MCMDC2: variants seen among roughly 807,000 people sequenced by gnomAD.
The protein encoded by MCMDC2 is minichromosome maintenance domain-containing protein 2.
A neutral mutation model predicts 75.8 loss-of-function variants in MCMDC2; 54 were observed. The observed-to-expected ratio is 0.71, with a 90% CI of 0.57 to 0.89. MCMDC2 has a LOEUF of 0.89. MCMDC2 is among the 40% of genes least tolerant of loss of function. The pLI is 0.00. For synonymous variants in MCMDC2, 249 were observed against 274.6 expected (o/e 0.91, Z 0.92); for missense variants, 656 against 780.4 (o/e 0.84, Z 1.90).
rs1261280316 is a variant in MCMDC2 at position 66,921,751 on chromosome 8, C to G, written c.*2582C>G. ...AGTTTTAAGATTCAACCACCTGGTA[C>G]AACAGCAGGCTCTGAAGGGGAAGCC... On this transcript the variant is annotated 3_prime_UTR_variant, in exon 15 of 15. Transcript: ENST00000422365. 6.6e-6 allele frequency: 1 copy of G among 152,168 alleles called. No homozygotes were observed. Among genetic ancestry groups the G allele is most frequent in the Non-Finnish European group, 1.5e-5 (1 of 68,032 alleles). 9.4% of individuals were successfully genotyped at this position (152,168 alleles called of 1,614,324 possible). A position where few individuals can be genotyped will look rare whatever the true frequency, so the allele number is the denominator to read the frequency against.
In MCMDC2 at chr8:66,919,316, C is replaced by A; in HGVS notation, c.*147C>A. The A allele has an allele frequency of 1.8e-6, 1 of 561,284 alleles. No homozygotes were observed. The highest frequency in any genetic ancestry group is 4.1e-5 in the South Asian group (1 of 24,652). 34.8% of individuals were successfully genotyped at this position (561,284 alleles called of 1,614,324 possible). A position where few individuals can be genotyped will look rare whatever the true frequency, so the allele number is the denominator to read the frequency against. On this transcript the variant is annotated 3_prime_UTR_variant, in exon 15 of 15. Coordinates refer to ENST00000422365, the MANE Select transcript of MCMDC2 (RefSeq NM_173518.5). ...TTTTTAAAAATATAAAATATAGTCC[C>A]CTCAAAACTAATTGCTAATGGGATA... is the stretch of plus-strand genomic sequence containing the variant.
intron 14 of MCMDC2, among the ~76,000 whole-genome samples, chr8:66,913,535 CT>C (rs1336661847): frequency 6.6e-6 from 1 of 152,146 alleles, no homozygotes; most frequent in Non-Finnish European, 1.5e-5. Flanking sequence ...TATTCGTGAT[CT>C]TTTTTCCAAT....
intron 9 of MCMDC2, among the ~76,000 whole-genome samples, chr8:66,887,484 G>A (rs1029997367): frequency 7.9e-5 from 12 of 152,012 alleles, no homozygotes; most frequent in African/African-American, 1.9e-4. Context: ...CCTGGGAGGC[G>A]GAGGTTGCAG....
In MCMDC2 at chr8:66,909,129, G is replaced by A. The variant is rs925926254; in HGVS notation, c.1879+3794G>A. ...GTTTTATAAGGGCTCTTCCCCCTTC[G>A]CTTGGCAGTTCTCCTTCCTGCTGCC... On this transcript the variant is annotated intron_variant, in intron 14 of 14. Transcript: ENST00000422365. Among the ~76,000 whole-genome samples the A allele has an allele frequency of 7.9e-5, 12 of 152,026 alleles. 1 individual carries two copies. Among genetic ancestry groups the A allele is most frequent in the Admixed American group, 1.3e-4 (2 of 15,242 alleles).
intron 8 of MCMDC2, 51 bp downstream of exon 8, chr8:66,881,025 A>G (rs746202143): frequency 2.3e-6 from 3 of 1,319,716 alleles, no homozygotes; most frequent in Non-Finnish European, 3.0e-6. Flanking sequence ...ATTTAAATCT[A>G]TTTGTTCAGC....
intron 14 of MCMDC2, among the ~76,000 whole-genome samples, 200 bp downstream of exon 14, chr8:66,905,535 CTTA>C: frequency 6.6e-6 from 1 of 151,994 alleles, no homozygotes; most frequent in East Asian, 1.9e-4. Flanking sequence ...TATTAAATTC[CTTA>C]TTATGCATGA....
chr8:66,882,861 C>T (rs1013592935), intron 8 of MCMDC2, among the ~76,000 whole-genome samples: 5 of 152,162 alleles, frequency 3.3e-5, no homozygotes, highest in African/African-American at 1.2e-4. Flanking sequence ...ATATTTTCTG[C>T]TAAGTGTTTA....
Position 66,890,897 on chromosome 8 carries a change from G to T in MCMDC2, c.1106G>T (p.Arg369Leu). Residue 369 changes from arginine to leucine, a missense_variant, in exon 10 of 15, where the codon CGT (arginine) becomes CTT (leucine). By Grantham distance (102) the Arg-to-Leu change is moderately radical. Transcript: ENST00000422365. Reference sequence around the variant, plus strand: ...AATTTTAGCATAAACCTTGTCCCCCGTGGTATACGTCATCTAGTCTCTACT... The same window carrying T: ...AATTTTAGCATAAACCTTGTCCCCCTTGGTATACGTCATCTAGTCTCTACT... The part of the protein sequence containing the change: ...LLNFSINLVP[R>L]GIRHLVSTEI... 2 of 1,612,154 alleles carry T rather than the reference G, an allele frequency of 1.2e-6. No individual in the cohort carries two copies. Among genetic ancestry groups the T allele is most frequent in the Non-Finnish European group, 1.7e-6 (2 of 1,179,552 alleles).
intron 4 of MCMDC2, 125 bp downstream of exon 4, chr8:66,874,711 A>G: frequency 1.3e-6 from 1 of 778,400 alleles, no homozygotes; most frequent in Non-Finnish European, 2.0e-6. Flanking sequence ...ATTCAATAGA[A>G]TATCTTACAT....
intron 4 of MCMDC2, 81 bp downstream of exon 4, chr8:66,874,667 CTT>C (rs1585845962): frequency 6.5e-6 from 8 of 1,227,326 alleles, no homozygotes; most frequent in South Asian, 2.9e-5. Context: ...TATTCATAGA[CTT>C]TTTATTTAAA....
In MCMDC2 at chr8:66,874,227, C is replaced by T. The variant is rs746188147; in HGVS notation, c.87C>T (p.Tyr29=). 2 of 1,612,420 alleles carry T rather than the reference C, an allele frequency of 1.2e-6. No individual in the cohort carries two copies. The highest frequency in any genetic ancestry group is 1.7e-6 in the Non-Finnish European group (2 of 1,179,468). ...GLQKFIDDCK[Y]YNDSKQSYAV... is the part of the protein sequence containing the mutation. ...AAAAGTTTATAGATGATTGCAAGTA[C>T]TACAATGGTACGTTCAGCAAAGGTG... The change falls in exon 2 of 15, where the codon TAC becomes TAT. Residue 29 remains tyrosine (Y), a synonymous_variant. Coordinates refer to ENST00000422365, the MANE Select transcript of MCMDC2 (RefSeq NM_173518.5).
rs1327668372 is a variant in MCMDC2 at position 66,920,169 on chromosome 8, T to C, written c.*1000T>C. The C allele has an allele frequency of 6.6e-6, 1 of 152,192 alleles. No homozygotes were observed. The highest frequency in any genetic ancestry group is 2.4e-5 in the African/African-American group (1 of 41,434). The allele number at this position is 152,192 out of a possible 1,614,324, so 9.4% of individuals were successfully genotyped here. On this transcript the variant is annotated 3_prime_UTR_variant, in exon 15 of 15. Transcript: ENST00000422365. Reference sequence around the variant, plus strand: ...TCTCCACAGGACCCGGAGGAAGTTGTTCACTATTACTGAATACCTACTAGT... The same window carrying C: ...TCTCCACAGGACCCGGAGGAAGTTGCTCACTATTACTGAATACCTACTAGT...
In MCMDC2 at chr8:66,920,499, G is replaced by A. The variant is rs765117484; in HGVS notation, c.*1330G>A. The stretch of plus-strand genomic sequence containing the variant: ...GTCTCCCAAAGTGCTAAGACAACAG[G>A]TATGAGCCAACACGACTGGCGACTG... On this transcript the variant is annotated 3_prime_UTR_variant, in exon 15 of 15. Coordinates refer to ENST00000422365, the MANE Select transcript of MCMDC2 (RefSeq NM_173518.5). 3.3e-5 allele frequency: 5 copies of A among 152,112 alleles called. No individual in the cohort carries two copies. The highest frequency in any genetic ancestry group is 1.3e-4 in the Admixed American group (2 of 15,266). The allele number at this position is 152,112 out of a possible 1,614,324, so 9.4% of individuals were successfully genotyped here. A position where few individuals can be genotyped will look rare whatever the true frequency, so the allele number is the denominator to read the frequency against.
chr8:66,877,828 A>G (rs1461559579), intron 5 of MCMDC2, among the ~76,000 whole-genome samples: 8 of 150,418 alleles, frequency 5.3e-5, no homozygotes, highest in Admixed American at 2.0e-4. Flanking sequence ...TCATGCCACT[A>G]TACTCCAGCC....
chr8:66,923,761 G>A (rs185947164), downstream of MCMDC2, among the ~76,000 whole-genome samples: 109 of 152,170 alleles, frequency 7.2e-4, 1 homozygote, highest in African/African-American at 2.4e-3. Context: ...GATGGTGGGT[G>A]CCTGTAATCC....
At chr8:66,915,631 G>GA (rs1367320306) in intron 14 of MCMDC2, among the ~76,000 whole-genome samples, 1 of 150,862 alleles carries the variant, frequency 6.6e-6, no homozygotes, top group African/African-American at 2.4e-5. Context: ...TTTTAAAGGA[G>GA]ATATCCTACG....
intron 10 of MCMDC2, among the ~76,000 whole-genome samples, chr8:66,894,002 T>C (rs184576753): frequency 3.3e-5 from 5 of 152,362 alleles, no homozygotes; most frequent in Admixed American, 2.6e-4. Flanking sequence ...TCCAACGAGA[T>C]AATGGCACTT....
At chr8:66,911,651 C>T (rs1813126926) in intron 14 of MCMDC2, among the ~76,000 whole-genome samples, 1 of 152,024 alleles carries the variant, frequency 6.6e-6, no homozygotes, top group Admixed American at 6.6e-5. Context: ...TGATGAAACC[C>T]TGTCTCTACT....
At chr8:66,917,466 T>TACATTC (rs1205756635) in intron 14 of MCMDC2, among the ~76,000 whole-genome samples, 5 of 152,348 alleles carry the variant, frequency 3.3e-5, no homozygotes, top group Admixed American at 3.3e-4. Context: ...GTGTGTTTAG[T>TACATTC]ACATTCACAT....
Sources: allele counts gnomAD v4.1 joint callset (sites outside exome capture counted in the v4.1 genomes callset), GRCh38; gene constraint gnomAD v4.1.1; transcripts MANE v1.5; gene names NCBI Gene and HGNC (gene_info 2026-07-23, HGNC 2026-07-21).